GRM7: variants seen among roughly 807,000 people sequenced by gnomAD.
GRM7 encodes glutamate metabotropic receptor 7.
GRM7 carries 35 observed loss-of-function variants against 84.5 expected under a neutral mutation model. The observed-to-expected ratio is 0.41, with a 90% CI of 0.32 to 0.55. GRM7 has a LOEUF of 0.55. Ranked by LOEUF, GRM7 falls within the 20% of genes least tolerant of loss-of-function variation. The pLI is 0.19. For synonymous variants in GRM7, 487 were observed against 455.1 expected, an observed-to-expected ratio of 1.07 and a Z score of -0.89; for missense variants, 1,003 against 1,194.6, an observed-to-expected ratio of 0.84 and a Z score of 2.36.
chr3:7,119,304 T>C (rs1199795777), intron 1 of GRM7, among the ~76,000 whole-genome samples: 1 of 152,088 alleles, frequency 6.6e-6, no homozygotes, highest in Non-Finnish European at 1.5e-5. Context: ...CTTTCAAAAC[T>C]GATTCCTTGA....
chr3:7,269,589 C>A (rs765825125), intron 2 of GRM7, among the ~76,000 whole-genome samples: 3 of 152,306 alleles, frequency 2.0e-5, no homozygotes, highest in Admixed American at 6.5e-5. Flanking sequence ...AGCTACGCCT[C>A]CTCTGATGAT....
At chr3:7,636,323 G>T (rs7611935) in intron 8 of GRM7, 1 of 456,218 alleles carries the variant, frequency 2.2e-6, no homozygotes, top group Non-Finnish European at 4.4e-6. Context: ...TATCCTCCCC[G>T]ACCGGACTAA....
At chr3:7,355,647 T>A (rs1179531348) in intron 4 of GRM7, among the ~76,000 whole-genome samples, 2 of 152,118 alleles carry the variant, frequency 1.3e-5, no homozygotes, top group Non-Finnish European at 2.9e-5. Flanking sequence ...AAACCTGAGC[T>A]GTCTGTTATG....
intron 2 of GRM7, among the ~76,000 whole-genome samples, chr3:7,247,424 ATTAG>A (rs1697806564): frequency 6.6e-6 from 1 of 151,748 alleles, no homozygotes; most frequent in Admixed American, 6.6e-5. Context: ...ATTTAAAACA[ATTAG>A]TTGGGCAAAA....
intron 7 of GRM7, among the ~76,000 whole-genome samples, chr3:7,484,658 A>G (rs1435726003): frequency 6.6e-6 from 1 of 152,184 alleles, no homozygotes; most frequent in Non-Finnish European, 1.5e-5. Context: ...CTGGAATACA[A>G]TAGTAAATAA....
At chr3:7,326,114 A>G (rs1275533459) in intron 4 of GRM7, among the ~76,000 whole-genome samples, 1 of 147,212 alleles carries the variant, frequency 6.8e-6, no homozygotes, top group African/African-American at 2.5e-5. Flanking sequence ...TTGAAATTAG[A>G]TTTAAGTGAC....
chr3:7,567,776 A>G (rs1168864176), intron 7 of GRM7, among the ~76,000 whole-genome samples: 1 of 134,000 alleles, frequency 7.5e-6, no homozygotes, highest in Non-Finnish European at 1.6e-5. Flanking sequence ...AAAAAAAAAA[A>G]AAAAAAAAAG....
intron 1 of GRM7, among the ~76,000 whole-genome samples, chr3:6,949,301 T>C (rs971358875): frequency 1.3e-5 from 2 of 152,216 alleles, no homozygotes; most frequent in Non-Finnish European, 2.9e-5. Context: ...ATTTTATTTT[T>C]CCTTCATTTA....
At chr3:7,717,684 C>T (rs575852559) in intron 9 of GRM7, among the ~76,000 whole-genome samples, 6 of 152,088 alleles carry the variant, frequency 3.9e-5, no homozygotes, top group Admixed American at 6.5e-5. Flanking sequence ...TGCAATGGCC[C>T]ACCAGCAACA....
chr3:7,573,935 A>G (rs990048042), intron 7 of GRM7, among the ~76,000 whole-genome samples: 7 of 152,172 alleles, frequency 4.6e-5, no homozygotes, highest in Admixed American at 2.0e-4. Context: ...GCGTGACTGC[A>G]ATTAGTAGAT....
intron 6 of GRM7, among the ~76,000 whole-genome samples, chr3:7,460,099 TA>T (rs71066013): frequency 0.11 from 5,679 of 49,532 alleles, 164 homozygotes; most frequent in East Asian, 0.32. Flanking sequence ...CTTAAAATAG[TA>T]AAAAAAAAAA....
At chr3:7,673,443 TC>T (rs1700005312) in intron 8 of GRM7, among the ~76,000 whole-genome samples, 1 of 150,800 alleles carries the variant, frequency 6.6e-6, no homozygotes, top group African/African-American at 2.4e-5. Context: ...TTCAAAAGTT[TC>T]CCATGAAAAA....
chr3:7,138,999 A>G (rs1693857043), intron 1 of GRM7, among the ~76,000 whole-genome samples: 1 of 148,758 alleles, frequency 6.7e-6, no homozygotes, highest in African/African-American at 2.4e-5. Flanking sequence ...CACCTTTACT[A>G]TATTTTTTTA....
intron 7 of GRM7, among the ~76,000 whole-genome samples, chr3:7,542,779 C>A (rs943575341): frequency 6.6e-6 from 1 of 152,160 alleles, no homozygotes; most frequent in African/African-American, 2.4e-5. Context: ...ATCTTCTGAC[C>A]TCGTGATCTG....
chr3:7,556,396 G>T (rs1317771864), intron 7 of GRM7, among the ~76,000 whole-genome samples: 2 of 152,120 alleles, frequency 1.3e-5, no homozygotes, highest in African/African-American at 4.8e-5. Context: ...GGGCTTAAGA[G>T]ATATTATTAC....
rs1559492743 is a variant in GRM7 at position 7,188,391 on chromosome 3, A to C, written c.736+41723A>C. Reference sequence around the variant, plus strand: ...ATAAGATTCTAGGTGTTGGCAAACTATAATCTGCATGGCATATCCAGCTCA... The same window carrying C: ...ATAAGATTCTAGGTGTTGGCAAACTCTAATCTGCATGGCATATCCAGCTCA... On this transcript the variant is annotated intron_variant, in intron 2 of 9. Coordinates refer to ENST00000357716, the MANE Select transcript of GRM7 (RefSeq NM_000844.4). This position sits in a 1 kb window ranked among gnomAD's most constrained non-coding sequence, Gnocchi z 4.2. Among the ~76,000 whole-genome samples the C allele has an allele frequency of 1.3e-5, 2 of 152,224 alleles. No individual in the cohort carries two copies. The highest frequency in any genetic ancestry group is 4.1e-4 in the South Asian group (2 of 4,834).
At chr3:7,005,568 A>G (rs1453650237) in intron 1 of GRM7, among the ~76,000 whole-genome samples, 2 of 152,224 alleles carry the variant, frequency 1.3e-5, no homozygotes, top group Non-Finnish European at 1.5e-5. Context: ...TCATAAGAAC[A>G]TTTCATGCAG....
At chr3:7,337,235 A>G (rs560955347) in intron 4 of GRM7, among the ~76,000 whole-genome samples, 4 of 152,278 alleles carry the variant, frequency 2.6e-5, no homozygotes, top group African/African-American at 7.2e-5. Flanking sequence ...ATAAAGCTGG[A>G]TCCTTCTCTC....
chr3:7,076,559 C>T (rs1199463826), intron 1 of GRM7, among the ~76,000 whole-genome samples: 2 of 152,104 alleles, frequency 1.3e-5, no homozygotes, highest in Non-Finnish European at 2.9e-5. Flanking sequence ...CTATGCAGAA[C>T]TTTGAGTCAA....
Sources: gnomAD v4.1 joint callset for allele counts (sites outside exome capture counted in the v4.1 genomes callset) on GRCh38, gnomAD v4.1.1 for gene constraint, Gnocchi (gnomAD v3.1) non-coding constraint, MANE v1.5 for transcripts, NCBI Gene and HGNC (gene_info 2026-07-23, HGNC 2026-07-21) for gene names.